The following COX7A2L variants were observed in gnomAD, a reference collection of about 807,000 sequenced individuals.
COX7A2L encodes cytochrome c oxidase subunit 7A2-like, mitochondrial.
Under a neutral mutation model 14.2 loss-of-function variants are expected in COX7A2L, and 18 were observed. The ratio of observed to expected loss-of-function variants is 1.27; its 90% CI spans 0.88 to 1.88. COX7A2L has a LOEUF of 1.88. Among genes scored for constraint, COX7A2L ranks in the 40% most tolerant of loss-of-function variants. The pLI is 0.00. For missense variants in COX7A2L, 179 were observed against 138.8 expected (o/e 1.29, Z -1.46); for synonymous variants, 65 against 57.4 (o/e 1.13, Z -0.60).
In COX7A2L at chr2:42,351,210, C is replaced by T. The variant is rs768143826; in HGVS notation, c.*9G>A. ...TGCCAAAAAACAAACCAGTCCTCTG[C>T]AGCCTAACTCATTTGTTTTTGGGCT... On this transcript the variant is annotated 3_prime_UTR_variant, in exon 3 of 3. Coordinates refer to ENST00000234301, the MANE Select transcript of COX7A2L (RefSeq NM_004718.4). The T allele has an allele frequency of 6.2e-7, 1 of 1,611,926 alleles. No individual in the cohort carries two copies. Among genetic ancestry groups the T allele is most frequent in the Admixed American group, 1.7e-5 (1 of 59,742 alleles).
At chr2:42,358,586 T>C (rs1461638874) in intron 1 of COX7A2L, among the ~76,000 whole-genome samples, 1 of 152,204 alleles carries the variant, frequency 6.6e-6, no homozygotes, top group African/African-American at 2.4e-5. Context: ...ACAATTCATA[T>C]AAAGCCTACA....
rs1371717492 is a variant in COX7A2L at position 42,339,552 on chromosome 2, GTTTC to G, written c.193-5687_193-5684del. The stretch of plus-strand genomic sequence containing the variant: ...TCCTCTCCTGCCACCATTCCTCCTG[GTTTC>G]TTTCTTCCCTTCTGCCCTTCCTCCC... On this transcript the variant is annotated intron_variant, in intron 2 of 2. Coordinates refer to the COX7A2L transcript ENST00000468711. This position sits in a 1 kb window ranked among gnomAD's most constrained non-coding sequence, Gnocchi z 5.4. Among the ~76,000 whole-genome samples, 1 of 152,084 alleles carries G rather than the reference GTTTC, an allele frequency of 6.6e-6. No individual in the cohort carries two copies. The highest frequency in any genetic ancestry group is 2.4e-5 in the African/African-American group (1 of 41,412).
downstream of COX7A2L, among the ~76,000 whole-genome samples, chr2:42,347,877 C>G (rs1411986778): frequency 6.6e-6 from 1 of 152,056 alleles, no homozygotes. Flanking sequence ...GCCGAGATGG[C>G]GCCATTGCAC....
chr2:42,348,691 G>C (rs1268703762), downstream of COX7A2L, among the ~76,000 whole-genome samples: 4 of 152,118 alleles, frequency 2.6e-5, no homozygotes, highest in Non-Finnish European at 5.9e-5. Flanking sequence ...GGCTGAGGCG[G>C]GCAGATCATG....
downstream of COX7A2L, among the ~76,000 whole-genome samples, chr2:42,345,778 T>G (rs920286903): frequency 6.6e-6 from 1 of 152,210 alleles, no homozygotes; most frequent in East Asian, 1.9e-4. Flanking sequence ...CGGGGTCATG[T>G]GAACCCAGAG....
chr2:42,339,161 T>G lies in COX7A2L; in HGVS notation c.193-5292A>C, dbSNP rs1670348498. Reference sequence around the variant, plus strand: ...CTCACAATAAAATAGAAGGAAGTTTTTTTAATCAAATTTTAGTAGTTAATT... The same window carrying G: ...CTCACAATAAAATAGAAGGAAGTTTGTTTAATCAAATTTTAGTAGTTAATT... On this transcript the variant is annotated intron_variant, in intron 2 of 2. Transcript: ENST00000468711. The surrounding 1 kb of genome is among the most constrained non-coding windows in gnomAD (Gnocchi z 5.4). 1.3e-5 allele frequency among the ~76,000 whole-genome samples: 2 copies of G among 152,252 alleles called. No individual in the cohort carries two copies. Among genetic ancestry groups the G allele is most frequent in the Non-Finnish European group, 2.9e-5 (2 of 68,050 alleles).
intron 2 of COX7A2L, among the ~76,000 whole-genome samples, chr2:42,336,564 C>T (rs1670278300): frequency 6.6e-6 from 1 of 152,080 alleles, no homozygotes; most frequent in South Asian, 2.1e-4. Context: ...CTTGTGCCTC[C>T]TAGGAAAGGT....
downstream of COX7A2L, among the ~76,000 whole-genome samples, chr2:42,348,024 T>A (rs916891489): frequency 6.6e-6 from 1 of 152,182 alleles, no homozygotes; most frequent in Admixed American, 6.5e-5. Flanking sequence ...AGCCATCTTG[T>A]CTGTCACAAG....
intron 2 of COX7A2L, among the ~76,000 whole-genome samples, chr2:42,340,882 G>T (rs555893241): frequency 8.4e-4 from 128 of 152,320 alleles, no homozygotes; most frequent in African/African-American, 2.9e-3. Flanking sequence ...CAGAAGGAAT[G>T]ATTTGTGCTT....
In COX7A2L at chr2:42,338,309, C is replaced by G. The variant is rs1179606008; in HGVS notation, c.193-4440G>C. On this transcript the variant is annotated intron_variant, in intron 2 of 2. Transcript: ENST00000468711. This position sits in a 1 kb window ranked among gnomAD's most constrained non-coding sequence, Gnocchi z 4.4. Reference sequence around the variant, plus strand: ...GCCATCCAGCCTCTGCCTTTCCTTGCGTGTCTGGGCTGAATCAGCTTCCCT... The same window carrying G: ...GCCATCCAGCCTCTGCCTTTCCTTGGGTGTCTGGGCTGAATCAGCTTCCCT... Among the ~76,000 whole-genome samples the G allele has an allele frequency of 6.6e-6, 1 of 152,172 alleles. No homozygotes were observed. The highest frequency in any genetic ancestry group is 1.5e-5 in the Non-Finnish European group (1 of 68,032).
chr2:42,367,657 G>A (rs990086506), intron 1 of COX7A2L, among the ~76,000 whole-genome samples: 5 of 152,240 alleles, frequency 3.3e-5, no homozygotes, highest in African/African-American at 1.2e-4. Flanking sequence ...AACTTCCAGC[G>A]ACACGCCTGC....
Position 42,339,180 on chromosome 2 carries a change from G to C in COX7A2L, c.193-5311C>G, listed in dbSNP as rs1013647885. ...AAGTTTTTTTAATCAAATTTTAGTA[G>C]TTAATTACTTTTTTTATTAACCATT... On this transcript the variant is annotated intron_variant, in intron 2 of 2. Transcript: ENST00000468711. This position sits in a 1 kb window ranked among gnomAD's most constrained non-coding sequence, Gnocchi z 5.4. 2.0e-5 allele frequency among the ~76,000 whole-genome samples: 3 copies of C among 152,022 alleles called. No homozygotes were observed. The highest frequency in any genetic ancestry group is 6.5e-5 in the Admixed American group (1 of 15,268).
intron 2 of COX7A2L, among the ~76,000 whole-genome samples, chr2:42,335,834 T>G (rs1670259112): frequency 2.0e-5 from 3 of 152,232 alleles, no homozygotes; most frequent in Non-Finnish European, 4.4e-5. Context: ...AAGGTGATGA[T>G]GAGGCTTTGG....
chr2:42,366,708 G>C (rs1671171646), intron 1 of COX7A2L, among the ~76,000 whole-genome samples: 1 of 152,186 alleles, frequency 6.6e-6, no homozygotes. Context: ...AATTAATTTA[G>C]CATGATGTAA....
chr2:42,340,620 C>T (rs1234899368), intron 2 of COX7A2L, among the ~76,000 whole-genome samples: 5 of 152,232 alleles, frequency 3.3e-5, no homozygotes, highest in Admixed American at 1.3e-4. Context: ...ACCCCCCAGG[C>T]GCACCCGAGA....
chr2:42,364,091 G>A (rs766725786), upstream of COX7A2L, among the ~76,000 whole-genome samples: 20 of 152,026 alleles, frequency 1.3e-4, no homozygotes, highest in Non-Finnish European at 2.6e-4. Context: ...AATTGACAGT[G>A]ATATAAAAAA....
intron 1 of COX7A2L, among the ~76,000 whole-genome samples, chr2:42,354,856 T>C (rs1670766762): frequency 6.6e-6 from 1 of 152,228 alleles, no homozygotes; most frequent in African/African-American, 2.4e-5. Flanking sequence ...CAGCAGCTAA[T>C]ATCTATTTAA....
rs1188506621 is a variant in COX7A2L, at chr2:42,342,418, G to A, written c.193-8549C>T. 6.6e-6 allele frequency among the ~76,000 whole-genome samples: 1 copy of A among 152,010 alleles called. No individual in the cohort carries two copies. Among genetic ancestry groups the A allele is most frequent in the South Asian group, 2.1e-4 (1 of 4,820 alleles). ...GGCCCTTCAGGCAGGCACCAGGTACGGCCCACACAGACTCAGCCTCTCCTT... is the reference window on the plus strand; with the variant it reads ...GGCCCTTCAGGCAGGCACCAGGTACAGCCCACACAGACTCAGCCTCTCCTT... On this transcript the variant is annotated intron_variant, in intron 2 of 2. Coordinates refer to the COX7A2L transcript ENST00000468711. The surrounding 1 kb of genome is among the most constrained non-coding windows in gnomAD (Gnocchi z 4.9).
At position 42,353,286 on chromosome 2, in the gene COX7A2L, T is replaced by C. The variant is rs375692790; in HGVS notation, c.130A>G (p.Lys44Glu). 6.2e-7 allele frequency: 1 copy of C among 1,614,190 alleles called. No homozygotes were observed. Among genetic ancestry groups the C allele is most frequent in the Non-Finnish European group, 8.5e-7 (1 of 1,180,024 alleles). Residue 44 changes from lysine to glutamate, a missense_variant, in exon 2 of 3, where the codon AAA becomes GAA. Physicochemically the swap from Lys to Glu is moderately conservative, Grantham distance 56. Transcript: ENST00000234301. ...APPIIFATPT[K>E]LTSDSTVYDY... ...TACACTGTGGAATCGGAGGTCAGTTTAGTTGGTGTGGCAAATATGATAGGT... is the reference window on the plus strand; with the variant it reads ...TACACTGTGGAATCGGAGGTCAGTTCAGTTGGTGTGGCAAATATGATAGGT...
Sources: allele counts gnomAD v4.1 joint callset (sites outside exome capture counted in the v4.1 genomes callset), GRCh38; gene constraint gnomAD v4.1.1; non-coding constraint Gnocchi (gnomAD v3.1); transcripts MANE v1.5; gene names NCBI Gene and HGNC (gene_info 2026-07-23, HGNC 2026-07-21).